EPOP: variants seen among roughly 807,000 people sequenced by gnomAD.
EPOP encodes elongin BC and Polycomb repressive complex 2-associated protein.
EPOP carries 14 observed loss-of-function variants against 18.2 expected under a neutral mutation model. That is an observed-to-expected ratio of 0.77 (90% CI 0.51 to 1.20). The LOEUF (loss-of-function observed/expected upper bound fraction) is 1.20. EPOP is among the 50% of genes most tolerant of loss of function. The pLI is 0.00. For missense variants in EPOP, 527 were observed against 577.2 expected, an observed-to-expected ratio of 0.91 and a Z score of 0.89; for synonymous variants, 252 against 274.9, an observed-to-expected ratio of 0.92 and a Z score of 0.83.
At position 38,673,567 on chromosome 17, in the gene EPOP, G is replaced by A; in HGVS notation, c.929C>T (p.Thr310Met). ...GCAGTTGAGGAGGCTGAAGGTGCTCGTGGTGGGGAGCGTCGGTGCAGGGCG... is the reference window on the plus strand; with the variant it reads ...GCAGTTGAGGAGGCTGAAGGTGCTCATGGTGGGGAGCGTCGGTGCAGGGCG... The part of the protein sequence containing the change: ...PRRPAPTLPT[T>M]STFSLLNCFP... The change falls in exon 1 of 1, where the codon ACG becomes ATG. Residue 310 changes from threonine to methionine, a missense_variant. Transcript: ENST00000621654. 12 of 1,479,058 alleles carry A rather than the reference G, an allele frequency of 8.1e-6. No homozygotes were observed. The highest frequency in any genetic ancestry group is 1.1e-5 in the Non-Finnish European group (12 of 1,115,798). 91.6% of individuals were successfully genotyped at this position (1,479,058 alleles called of 1,614,324 possible). A position where few individuals can be genotyped will look rare whatever the true frequency, so the allele number is the denominator to read the frequency against.
Position 38,673,546 on chromosome 17 carries a change from T to C in EPOP, c.950A>G (p.Asn317Ser). ...CAGGGCCGGGGGGCAGGGGAAGCAGTTGAGGAGGCTGAAGGTGCTCGTGGT... is the reference window on the plus strand; with the variant it reads ...CAGGGCCGGGGGGCAGGGGAAGCAGCTGAGGAGGCTGAAGGTGCTCGTGGT... Reference protein sequence around the residue: ...LPTTSTFSLLNCFPCPPALVV... With the variant: ...LPTTSTFSLLSCFPCPPALVV... Residue 317 changes from asparagine (N) to serine (S), a missense_variant, in exon 1 of 1, where the codon AAC (asparagine) becomes AGC (serine). Physicochemically the swap from Asn to Ser is conservative, Grantham distance 46. Transcript: ENST00000621654. 6.6e-7 allele frequency: 1 copy of C among 1,506,196 alleles called. No individual in the cohort carries two copies. Among genetic ancestry groups the C allele is most frequent in the Non-Finnish European group, 8.9e-7 (1 of 1,126,538 alleles). 93.3% of individuals were successfully genotyped at this position (1,506,196 alleles called of 1,614,324 possible). A position where few individuals can be genotyped will look rare whatever the true frequency, so the allele number is the denominator to read the frequency against.
Position 38,674,021 on chromosome 17 carries a change from G to A in EPOP, c.475C>T (p.Arg159Cys). 1.4e-6 allele frequency: 2 copies of A among 1,387,366 alleles called. No individual in the cohort carries two copies. Among genetic ancestry groups the A allele is most frequent in the Non-Finnish European group, 1.8e-6 (2 of 1,082,392 alleles). 85.9% of individuals were successfully genotyped at this position (1,387,366 alleles called of 1,614,324 possible). Residue 159 changes from arginine (R) to cysteine (C), a missense_variant, in exon 1 of 1, where the codon CGC becomes TGC. By Grantham distance (180) the Arg-to-Cys change is radical. Transcript: ENST00000621654. The surrounding 1 kb of genome is among the most constrained non-coding windows in gnomAD (Gnocchi z 4.5). ...TGAGGCTCGAGACCCGGGGCCGGGC[G>A]AGGCGGGGCCGAGGCGAAGCTGGTC... ...STTSFASAPP[R>C]PAPGLEPQRG...
At position 38,673,490 on chromosome 17, in the gene EPOP, C is replaced by G. The variant is rs1449981281; in HGVS notation, c.1006G>C (p.Ala336Pro). Residue 336 changes from alanine (A) to proline (P), a missense_variant, in exon 1 of 1, where the codon GCA becomes CCA. Physicochemically the swap from Ala to Pro is conservative, Grantham distance 27. Coordinates refer to ENST00000621654, the MANE Select transcript of EPOP (RefSeq NM_001130677.2). Reference protein sequence around the residue: ...VVGEDGDLKPASSLRLQGDSK... With the variant: ...VVGEDGDLKPPSSLRLQGDSK... Reference sequence around the variant, plus strand: ...TCTCCCTGGAGGCGAAGCGAGGATGCCGGCTTTAGGTCTCCGTCTTCCCCC... The same window carrying G: ...TCTCCCTGGAGGCGAAGCGAGGATGGCGGCTTTAGGTCTCCGTCTTCCCCC... 3.9e-6 allele frequency: 6 copies of G among 1,535,344 alleles called. No individual in the cohort carries two copies. In the South Asian group the frequency reaches 4.9e-5, roughly 12 times the overall value.
chr17:38,673,248 G>A lies in EPOP; in HGVS notation c.*108C>T, dbSNP rs1910997010. On this transcript the variant is annotated 3_prime_UTR_variant, in exon 1 of 1. Transcript: ENST00000621654. Reference sequence around the variant, plus strand: ...TGTTATTTAGGTCCCTCTGCCCACAGCTCCTAAAATGTAAAGGAAGGGGAC... The same window carrying A: ...TGTTATTTAGGTCCCTCTGCCCACAACTCCTAAAATGTAAAGGAAGGGGAC... 4.2e-6 allele frequency: 6 copies of A among 1,416,108 alleles called. 1 individual carries two copies. The South Asian group carries it at 9.5e-5, about 22-fold the overall frequency. The allele number at this position is 1,416,108 out of a possible 1,614,324, so 87.7% of individuals were successfully genotyped here.
chr17:38,674,221 G>A lies in EPOP; in HGVS notation c.275C>T (p.Ala92Val). 1 of 1,431,140 alleles carries A rather than the reference G, an allele frequency of 7.0e-7. No individual in the cohort carries two copies. The highest frequency in any genetic ancestry group is 2.8e-5 in the East Asian group (1 of 35,596). 88.7% of individuals were successfully genotyped at this position (1,431,140 alleles called of 1,614,324 possible). A position where few individuals can be genotyped will look rare whatever the true frequency, so the allele number is the denominator to read the frequency against. The change falls in exon 1 of 1, where the codon GCA (alanine) becomes GTA (valine). Residue 92 changes from alanine (A) to valine (V), a missense_variant. Physicochemically the swap from Ala to Val is moderately conservative, Grantham distance 64. Coordinates refer to ENST00000621654, the MANE Select transcript of EPOP (RefSeq NM_001130677.2). This position sits in a 1 kb window ranked among gnomAD's most constrained non-coding sequence, Gnocchi z 4.5. ...AGGAACGCCGGGCCGCCCGGTCGGT[G>A]CCCAGAGGTGCTTCAGGCCATCCGG... ...WAPDGLKHLW[A>V]PTGRPGVPNT...
Position 38,673,720 on chromosome 17 carries a change from T to A in EPOP, c.776A>T (p.Lys259Met). The change falls in exon 1 of 1, where the codon AAG becomes ATG. Residue 259 changes from lysine to methionine, a missense_variant. By Grantham distance (95) the Lys-to-Met change is moderately conservative. Coordinates refer to ENST00000621654, the MANE Select transcript of EPOP (RefSeq NM_001130677.2). ...IRRSKLWCYA[K>M]GFALDTPSLR... ...ACTCGGAGTGTCCAAGGCGAAGCCC[T>A]TCGCGTAACACCAAAGTTTCGACCG... 6.5e-7 allele frequency: 1 copy of A among 1,531,970 alleles called. No homozygotes were observed. Among genetic ancestry groups the A allele is most frequent in the South Asian group, 1.2e-5 (1 of 82,334 alleles). 94.9% of individuals were successfully genotyped at this position (1,531,970 alleles called of 1,614,324 possible).
Position 38,672,120 on chromosome 17 carries a change from C to A in EPOP, c.*1236G>T, listed in dbSNP as rs1910965245. 1 of 152,308 alleles carries A rather than the reference C, an allele frequency of 6.6e-6. No individual in the cohort carries two copies. Among genetic ancestry groups the A allele is most frequent in the Admixed American group, 6.5e-5 (1 of 15,282 alleles). The allele number at this position is 152,308 out of a possible 1,614,324, so 9.4% of individuals were successfully genotyped here. A position where few individuals can be genotyped will look rare whatever the true frequency, so the allele number is the denominator to read the frequency against. ...CCCTGGAAAACAGAACCTCTGACCC[C>A]AAACCTAATCCCCTGGCCCTGCCCC... On this transcript the variant is annotated 3_prime_UTR_variant, in exon 1 of 1. Transcript: ENST00000621654.
Position 38,674,748 on chromosome 17 carries a change from C to T in EPOP, c.-253G>A, listed in dbSNP as rs1911071211. 1.1e-5 allele frequency: 4 copies of T among 379,978 alleles called. No homozygotes were observed. The allele number at this position is 379,978 out of a possible 1,614,324, so 23.5% of individuals were successfully genotyped here. ...GGCGGGGTCGGCCGCCCTTCTGCCGCCGCGTCCCCTTCGCAACCCCGGCGG... is the reference window on the plus strand; with the variant it reads ...GGCGGGGTCGGCCGCCCTTCTGCCGTCGCGTCCCCTTCGCAACCCCGGCGG... On this transcript the variant is annotated 5_prime_UTR_variant, in exon 1 of 1. Coordinates refer to ENST00000621654, the MANE Select transcript of EPOP (RefSeq NM_001130677.2). The surrounding 1 kb of genome is among the most constrained non-coding windows in gnomAD (Gnocchi z 4.5).
At position 38,673,618 on chromosome 17, in the gene EPOP, G is replaced by A. The variant is rs1227789143; in HGVS notation, c.878C>T (p.Pro293Leu). 1 of 1,513,636 alleles carries A rather than the reference G, an allele frequency of 6.6e-7. No homozygotes were observed. The highest frequency in any genetic ancestry group is 1.2e-5 in the South Asian group (1 of 80,168). 93.8% of individuals were successfully genotyped at this position (1,513,636 alleles called of 1,614,324 possible). Reference sequence around the variant, plus strand: ...GCGGGGCTGCGCGGTGCGCGGAGGGGGCGCCGGCAGCCGGCGTTTCTTGGC... The same window carrying A: ...GCGGGGCTGCGCGGTGCGCGGAGGGAGCGCCGGCAGCCGGCGTTTCTTGGC... ...GAAKKRRLPA[P>L]PPRTAQPRRP... Residue 293 changes from proline (P) to leucine (L), a missense_variant, in exon 1 of 1, where the codon CCC (proline) becomes CTC (leucine). Transcript: ENST00000621654.
At position 38,673,943 on chromosome 17, in the gene EPOP, G is replaced by C; in HGVS notation, c.553C>G (p.Pro185Ala). The change falls in exon 1 of 1, where the codon CCA becomes GCA. Residue 185 changes from proline to alanine, a missense_variant. Transcript: ENST00000621654. ...PQEPSSRPPS[P>A]PAGLSTEPAG... is the part of the protein sequence containing the mutation. ...GGCTCGGTGGAGAGGCCCGCAGGTG[G>C]CGACGGAGGCCGGGAACTGGGTTCC... 1 of 1,400,960 alleles carries C rather than the reference G, an allele frequency of 7.1e-7. No individual in the cohort carries two copies. Among genetic ancestry groups the C allele is most frequent in the Middle Eastern group, 2.3e-4 (1 of 4,404 alleles). The allele number at this position is 1,400,960 out of a possible 1,614,324, so 86.8% of individuals were successfully genotyped here. A position where few individuals can be genotyped will look rare whatever the true frequency, so the allele number is the denominator to read the frequency against.
In EPOP at chr17:38,674,679, C is replaced by G; in HGVS notation, c.-184G>C. ...TCGGGCTCCCTCTTCGCTCTCCTCACGCGGCCCTCCCGGCGGCCGGACTCC... is the reference window on the plus strand; with the variant it reads ...TCGGGCTCCCTCTTCGCTCTCCTCAGGCGGCCCTCCCGGCGGCCGGACTCC... On this transcript the variant is annotated 5_prime_UTR_variant, in exon 1 of 1. Transcript: ENST00000621654. The surrounding 1 kb of genome is among the most constrained non-coding windows in gnomAD (Gnocchi z 4.5). 4 of 512,236 alleles carry G rather than the reference C, an allele frequency of 7.8e-6. No individual in the cohort carries two copies. Among genetic ancestry groups the G allele is most frequent in the Non-Finnish European group, 1.3e-5 (4 of 313,870 alleles). The allele number at this position is 512,236 out of a possible 1,614,324, so 31.7% of individuals were successfully genotyped here.
chr17:38,673,771 T>C lies in EPOP; in HGVS notation c.725A>G (p.Gln242Arg), dbSNP rs1198922589. The change falls in exon 1 of 1, where the codon CAG (glutamine) becomes CGG (arginine). Residue 242 changes from glutamine to arginine, a missense_variant. Physicochemically the swap from Gln to Arg is conservative, Grantham distance 43. Transcript: ENST00000621654. ...PAPAAPGDLR[Q>R]EHFDRLIRRS... ...GCGGATCAGACGATCGAAATGTTCC[T>C]GGCGGAGATCTCCGGGTGCGGCCGG... The C allele has an allele frequency of 7.9e-6, 12 of 1,522,134 alleles. No individual in the cohort carries two copies. In the African/African-American group the frequency reaches 1.0e-4, roughly 13 times the overall value. The allele number at this position is 1,522,134 out of a possible 1,614,324, so 94.3% of individuals were successfully genotyped here.
rs1338387003 is a variant in EPOP, at chr17:38,673,609, C to A, written c.887G>T (p.Arg296Leu). Residue 296 changes from arginine (R) to leucine (L), a missense_variant, in exon 1 of 1, where the codon CGC becomes CTC. Physicochemically the swap from Arg to Leu is moderately radical, Grantham distance 102. Transcript: ENST00000621654. ...KKRRLPAPPP[R>L]TAQPRRPAPT... is the part of the protein sequence containing the mutation. ...TGCAGGGCGGCGGGGCTGCGCGGTG[C>A]GCGGAGGGGGCGCCGGCAGCCGGCG... 1 of 1,500,676 alleles carries A rather than the reference C, an allele frequency of 6.7e-7. No homozygotes were observed. Among genetic ancestry groups the A allele is most frequent in the East Asian group, 2.7e-5 (1 of 37,410 alleles). 93.0% of individuals were successfully genotyped at this position (1,500,676 alleles called of 1,614,324 possible). A position where few individuals can be genotyped will look rare whatever the true frequency, so the allele number is the denominator to read the frequency against.
At position 38,674,632 on chromosome 17, in the gene EPOP, C is replaced by T; in HGVS notation, c.-137G>A. On this transcript the variant is annotated 5_prime_UTR_variant, in exon 1 of 1. Coordinates refer to ENST00000621654, the MANE Select transcript of EPOP (RefSeq NM_001130677.2). This position sits in a 1 kb window ranked among gnomAD's most constrained non-coding sequence, Gnocchi z 4.5. ...GTCTCTGCTCACGGGCGCCCCCGGC[C>T]CGCCACCCGGGGCCGCAGAGCTCGG... The T allele has an allele frequency of 1.2e-6, 1 of 869,002 alleles. No homozygotes were observed. Among genetic ancestry groups the T allele is most frequent in the Non-Finnish European group, 1.6e-6 (1 of 618,132 alleles). The allele number at this position is 869,002 out of a possible 1,614,324, so 53.8% of individuals were successfully genotyped here. A position where few individuals can be genotyped will look rare whatever the true frequency, so the allele number is the denominator to read the frequency against.
In EPOP at chr17:38,674,737, C is replaced by A; in HGVS notation, c.-242G>T. 2.6e-6 allele frequency: 1 copy of A among 388,234 alleles called. No individual in the cohort carries two copies. The highest frequency in any genetic ancestry group is 4.5e-6 in the Non-Finnish European group (1 of 219,848). 24.0% of individuals were successfully genotyped at this position (388,234 alleles called of 1,614,324 possible). On this transcript the variant is annotated 5_prime_UTR_variant, in exon 1 of 1. Coordinates refer to ENST00000621654, the MANE Select transcript of EPOP (RefSeq NM_001130677.2). This position sits in a 1 kb window ranked among gnomAD's most constrained non-coding sequence, Gnocchi z 4.5. ...CTGTGAGTCCCGGCGGGGTCGGCCG[C>A]CCTTCTGCCGCCGCGTCCCCTTCGC...
In EPOP at chr17:38,672,308, C is replaced by A. The variant is rs907149121; in HGVS notation, c.*1048G>T. 6.6e-6 allele frequency: 1 copy of A among 152,184 alleles called. No homozygotes were observed. Among genetic ancestry groups the A allele is most frequent in the African/African-American group, 2.4e-5 (1 of 41,428 alleles). The allele number at this position is 152,184 out of a possible 1,614,324, so 9.4% of individuals were successfully genotyped here. A position where few individuals can be genotyped will look rare whatever the true frequency, so the allele number is the denominator to read the frequency against. On this transcript the variant is annotated 3_prime_UTR_variant, in exon 1 of 1. Transcript: ENST00000621654. ...TTAGGCCAAGAGTCCTTTCATTTAC[C>A]ACCTCTGCAAAGTGCAGCTTGTTTT...
rs1412589479 is a variant in EPOP at position 38,673,682 on chromosome 17, GC to G, written c.813del (p.Pro272GlnfsTer62). On this transcript the variant is annotated frameshift_variant, in exon 1 of 1. Transcript: ENST00000621654. LOFTEE classifies it high-confidence loss of function. ...GGCCCTTTCGCAGGCGGCCGCTCTG[GC>G]CCCCGGCGCAAACTCGGAGTGTCCA... ...FALDTPSLRR[G>X]PERPPAKGPA... 5 of 1,532,366 alleles carry G rather than the reference GC, an allele frequency of 3.3e-6. No homozygotes were observed. Among genetic ancestry groups the G allele is most frequent in the Admixed American group, 2.0e-5 (1 of 49,082 alleles). 94.9% of individuals were successfully genotyped at this position (1,532,366 alleles called of 1,614,324 possible). A position where few individuals can be genotyped will look rare whatever the true frequency, so the allele number is the denominator to read the frequency against.
At position 38,674,633 on chromosome 17, in the gene EPOP, C is replaced by T. The variant is rs960905763; in HGVS notation, c.-138G>A. The T allele has an allele frequency of 7.0e-6, 6 of 863,180 alleles. No homozygotes were observed. The highest frequency in any genetic ancestry group is 3.6e-5 in the African/African-American group (2 of 55,702). The allele number at this position is 863,180 out of a possible 1,614,324, so 53.5% of individuals were successfully genotyped here. A position where few individuals can be genotyped will look rare whatever the true frequency, so the allele number is the denominator to read the frequency against. On this transcript the variant is annotated 5_prime_UTR_variant, in exon 1 of 1. Coordinates refer to ENST00000621654, the MANE Select transcript of EPOP (RefSeq NM_001130677.2). The surrounding 1 kb of genome is among the most constrained non-coding windows in gnomAD (Gnocchi z 4.5). ...TCTCTGCTCACGGGCGCCCCCGGCC[C>T]GCCACCCGGGGCCGCAGAGCTCGGG...
rs1911061213 is a variant in EPOP, at chr17:38,674,436, G to C, written c.60C>G (p.Pro20=). 1.3e-6 allele frequency: 2 copies of C among 1,540,832 alleles called. No homozygotes were observed. The highest frequency in any genetic ancestry group is 2.4e-5 in the South Asian group (2 of 83,762). Residue 20 remains proline (P), a synonymous_variant, in exon 1 of 1, where the codon CCC becomes CCG. Transcript: ENST00000621654. This position sits in a 1 kb window ranked among gnomAD's most constrained non-coding sequence, Gnocchi z 4.5. ...LAVPASPRGS[P]CSPTPRKPCR... ...ACGGCTTCCGGGGCGTGGGGGAGCA[G>C]GGCGACCCTCGCGGGGACGCCGGCA...
Sources: gnomAD v4.1 joint callset for allele counts on GRCh38, gnomAD v4.1.1 for gene constraint, Gnocchi (gnomAD v3.1) non-coding constraint, MANE v1.5 for transcripts, NCBI Gene and HGNC (gene_info 2026-07-23, HGNC 2026-07-21) for gene names.